The following ACVR1B variants were observed in gnomAD, a reference collection of about 807,000 sequenced individuals.
ACVR1B encodes activin A receptor type 1B, also known as activin receptor type-1B.
Under a neutral mutation model 55.6 loss-of-function variants are expected in ACVR1B, and 15 were observed. The observed-to-expected ratio is 0.27, with a 90% CI of 0.18 to 0.42. The LOEUF is 0.42. Among genes scored for constraint, ACVR1B ranks in the 10% least tolerant of loss-of-function variants. The probability of loss-of-function intolerance (pLI) is 1.00; values close to 1 mark genes in which losing one functional copy is unlikely to be tolerated. For missense variants in ACVR1B, 359 were observed against 670.1 expected (o/e 0.54, Z 5.13); for synonymous variants, 247 against 254.6 (o/e 0.97, Z 0.28).
rs1358924914 is a variant in ACVR1B at position 51,975,280 on chromosome 12, G to T, written c.107G>T (p.Cys36Phe). 6.2e-7 allele frequency: 1 copy of T among 1,612,776 alleles called. No individual in the cohort carries two copies. Among genetic ancestry groups the T allele is most frequent in the Non-Finnish European group, 8.5e-7 (1 of 1,179,950 alleles). ...TTTCCTGCAGCTCTGCTGTGTGCGT[G>T]CACCAGCTGCCTCCAGGCCAACTAC... is the stretch of plus-strand genomic sequence containing the variant. Reference protein sequence around the residue: ...PRGVQALLCACTSCLQANYTC... With the variant: ...PRGVQALLCAFTSCLQANYTC... Residue 36 changes from cysteine to phenylalanine, a missense_variant, in exon 2 of 9, where the codon TGC (cysteine) becomes TTC (phenylalanine). Cys to Phe is a radical substitution (Grantham distance 205). Transcript: ENST00000257963.
At chr12:51,973,190 C>T (rs1328668426) in intron 1 of ACVR1B, among the ~76,000 whole-genome samples, 1 of 152,174 alleles carries the variant, frequency 6.6e-6, no homozygotes, top group Non-Finnish European at 1.5e-5. Flanking sequence ...ACTATTCAGT[C>T]CCTCTAATTG....
chr12:51,952,144 C>T (rs969379615), intron 1 of ACVR1B, among the ~76,000 whole-genome samples: 10 of 152,050 alleles, frequency 6.6e-5, no homozygotes, highest in African/African-American at 2.2e-4. Flanking sequence ...GAGTCTGAGC[C>T]TCCAGCTCCA....
chr12:51,967,688 C>T (rs1941668933), intron 1 of ACVR1B, among the ~76,000 whole-genome samples: 1 of 152,188 alleles, frequency 6.6e-6, no homozygotes, highest in South Asian at 2.1e-4. Context: ...TGGCTAAGAG[C>T]TTTATATACT....
rs530295281 is a variant in ACVR1B at position 51,996,497 on chromosome 12, T to C, written c.*2387T>C. The C allele has an allele frequency of 1.0e-3, 159 of 152,806 alleles. No individual in the cohort carries two copies. The highest frequency in any genetic ancestry group is 3.4e-3 in the Middle Eastern group (1 of 296). The allele number at this position is 152,806 out of a possible 1,614,324, so 9.5% of individuals were successfully genotyped here. ...TTGGGGGGACCGTCTTTACCCCTGC[T>C]GACCTCCCACCTATCCGCCCTGCAG... On this transcript the variant is annotated 3_prime_UTR_variant, in exon 9 of 9. Coordinates refer to ENST00000257963, the MANE Select transcript of ACVR1B (RefSeq NM_004302.5).
chr12:51,976,708 C>T (rs1043860185), intron 3 of ACVR1B, 133 bp downstream of exon 3: 1 of 1,178,492 alleles, frequency 8.5e-7, no homozygotes, highest in Non-Finnish European at 1.2e-6. Flanking sequence ...TTTCCTAGTT[C>T]CCCTTCTTTT....
chr12:51,983,925 ACT>A, intron 4 of ACVR1B, 72 bp from the exon 5 acceptor site: 1 of 1,517,654 alleles, frequency 6.6e-7, no homozygotes, highest in Non-Finnish European at 9.1e-7. Context: ...TGTTGTATAC[ACT>A]CATCCTTACC....
At chr12:51,979,034 A>T (rs1941924736) in intron 3 of ACVR1B, among the ~76,000 whole-genome samples, 1 of 149,964 alleles carries the variant, frequency 6.7e-6, no homozygotes, top group Non-Finnish European at 1.5e-5. Context: ...GTAGTGGCAC[A>T]CGCCTATAAT....
chr12:51,958,644 CAAA>C (rs34307946), intron 1 of ACVR1B, among the ~76,000 whole-genome samples: 4 of 90,588 alleles, frequency 4.4e-5, no homozygotes, highest in Non-Finnish European at 4.7e-5. Context: ...TGAGACTCCT[CAAA>C]AAAAAAAAAA....
At chr12:51,978,339 A>G (rs1489783074) in intron 3 of ACVR1B, among the ~76,000 whole-genome samples, 9 of 152,166 alleles carry the variant, frequency 5.9e-5, no homozygotes, top group Non-Finnish European at 8.8e-5. Flanking sequence ...CGTCTGTGGT[A>G]AAATGGTTAA....
At chr12:51,960,200 G>C (rs1278784563) in intron 1 of ACVR1B, 1 of 152,252 alleles carries the variant, frequency 6.6e-6, no homozygotes, top group Non-Finnish European at 1.5e-5. Flanking sequence ...ACAGGGGATC[G>C]CTTCAGTCCA....
At chr12:51,985,480 GTTGAA>G (rs1171821180) in intron 6 of ACVR1B, 132 bp downstream of exon 6, 4 of 1,066,574 alleles carry the variant, frequency 3.8e-6, no homozygotes, top group Non-Finnish European at 5.4e-6. Flanking sequence ...CCCACTGAAA[GTTGAA>G]TTGAACATGC....
chr12:51,981,138 A>G lies in ACVR1B; in HGVS notation c.750A>G (p.Ile250Met). ...GGTCTTGGTTCAGGGAAGCAGAGATATACCAGACGGTCATGCTGCGCCATG... is the reference window on the plus strand; with the variant it reads ...GGTCTTGGTTCAGGGAAGCAGAGATGTACCAGACGGTCATGCTGCGCCATG... ...EERSWFREAEIYQTVMLRHEN... is the reference protein window; with the variant it reads ...EERSWFREAEMYQTVMLRHEN... Residue 250 changes from isoleucine (I) to methionine (M), a missense_variant, in exon 4 of 9, where the codon ATA (isoleucine) becomes ATG (methionine). Physicochemically the swap from Ile to Met is conservative, Grantham distance 10. This residue lies in a region of ACVR1B where 119 missense variants were observed against 340.2 expected (regional missense o/e 0.35). Coordinates refer to ENST00000257963, the MANE Select transcript of ACVR1B (RefSeq NM_004302.5). The G allele has an allele frequency of 6.2e-7, 1 of 1,614,216 alleles. No homozygotes were observed. The highest frequency in any genetic ancestry group is 1.1e-5 in the South Asian group (1 of 91,086).
intron 7 of ACVR1B, among the ~76,000 whole-genome samples, chr12:51,989,226 T>TTTTTG (rs1459519761): frequency 4.6e-5 from 7 of 152,278 alleles, no homozygotes; most frequent in South Asian, 2.1e-4. Flanking sequence ...CAGCAGGGTT[T>TTTTTG]TTTTGTTTTG....
At chr12:51,986,459 G>A (rs1466896151) in intron 6 of ACVR1B, among the ~76,000 whole-genome samples, 1 of 152,084 alleles carries the variant, frequency 6.6e-6, no homozygotes, top group Non-Finnish European at 1.5e-5. Flanking sequence ...GGGGTTTCGC[G>A]ATGTTGGCCA....
Position 51,995,789 on chromosome 12 carries a change from C to T in ACVR1B, c.*1679C>T, listed in dbSNP as rs1157038642. The T allele has an allele frequency of 1.3e-5, 2 of 152,642 alleles. No individual in the cohort carries two copies. The highest frequency in any genetic ancestry group is 3.8e-4 in the East Asian group (2 of 5,198). 9.5% of individuals were successfully genotyped at this position (152,642 alleles called of 1,614,324 possible). ...TTCCCACTCAGCAGTGAGAGTTCCT[C>T]TTTGCCCTGAGGCTCAGTCTCTCTC... On this transcript the variant is annotated 3_prime_UTR_variant, in exon 9 of 9. Coordinates refer to ENST00000257963, the MANE Select transcript of ACVR1B (RefSeq NM_004302.5).
At chr12:51,981,448 C>T (rs1941976760) in intron 4 of ACVR1B, among the ~76,000 whole-genome samples, 1 of 152,202 alleles carries the variant, frequency 6.6e-6, no homozygotes, top group South Asian at 2.1e-4. Flanking sequence ...TACACCCCCT[C>T]ACCCTACCTG....
chr12:51,960,613 C>T (rs909353019), intron 1 of ACVR1B, among the ~76,000 whole-genome samples: 1 of 152,140 alleles, frequency 6.6e-6, no homozygotes, highest in African/African-American at 2.4e-5. Context: ...GGGCTAGGGG[C>T]TCTTATTCCC....
Position 51,951,723 on chromosome 12 carries a change from G to T in ACVR1B, c.-21G>T. ...TGGGCGCTGCTGGGCTGCGGCGGCG[G>T]CGGCGGCGGCGGTGGTTACTATGGC... On this transcript the variant is annotated 5_prime_UTR_variant, in exon 1 of 9. Transcript: ENST00000257963. 8.3e-7 allele frequency: 1 copy of T among 1,204,886 alleles called. No homozygotes were observed. Among genetic ancestry groups the T allele is most frequent in the Non-Finnish European group, 1.0e-6 (1 of 959,486 alleles). 74.6% of individuals were successfully genotyped at this position (1,204,886 alleles called of 1,614,324 possible). A position where few individuals can be genotyped will look rare whatever the true frequency, so the allele number is the denominator to read the frequency against.
At chr12:51,963,337 C>T (rs151290732) in intron 1 of ACVR1B, among the ~76,000 whole-genome samples, 1 of 152,210 alleles carries the variant, frequency 6.6e-6, no homozygotes, top group African/African-American at 2.4e-5. Flanking sequence ...CTCTGCCTCC[C>T]AGGTTCAAGC....
Sources: gnomAD v4.1 joint callset for allele counts (sites outside exome capture counted in the v4.1 genomes callset) on GRCh38, gnomAD v4.1.1 for gene constraint, gnomAD v4.1.1 regional missense constraint, MANE v1.5 for transcripts, NCBI Gene and HGNC (gene_info 2026-07-23, HGNC 2026-07-21) for gene names.